The following COL19A1 variants were observed in gnomAD, a reference collection of about 807,000 sequenced individuals.
COL19A1 encodes collagen alpha-1(XIX) chain.
In COL19A1, 159 loss-of-function variants were observed where a neutral mutation model predicts 190.2. The observed-to-expected ratio is 0.84, with a 90% CI of 0.73 to 0.95. The LOEUF is 0.95. Among genes scored for constraint, COL19A1 ranks in the 40% least tolerant of loss-of-function variants. The probability of loss-of-function intolerance (pLI) is 0.00; values close to 1 mark genes in which losing one functional copy is unlikely to be tolerated. For missense variants in COL19A1, 1,418 were observed against 1,431.9 expected (o/e 0.99, Z 0.16); for synonymous variants, 509 against 458.9 (o/e 1.11, Z -1.39).
At chr6:70,006,476 G>A (rs1439299295) in intron 11 of COL19A1, among the ~76,000 whole-genome samples, 1 of 152,172 alleles carries the variant, frequency 6.6e-6, no homozygotes, top group African/African-American at 2.4e-5. Flanking sequence ...CAGTCACCTA[G>A]TCAGTTCTGA....
At chr6:69,868,829 A>C (rs1184910265) in intron 1 of COL19A1, among the ~76,000 whole-genome samples, 1 of 152,206 alleles carries the variant, frequency 6.6e-6, no homozygotes, top group Admixed American at 6.5e-5. Flanking sequence ...CTGCAATTTT[A>C]GTTTATTTTC....
intron 11 of COL19A1, among the ~76,000 whole-genome samples, chr6:69,980,459 T>G (rs1490011513): frequency 6.6e-6 from 1 of 152,132 alleles, no homozygotes; most frequent in Non-Finnish European, 1.5e-5. Flanking sequence ...ATAAATACTT[T>G]ACATTTGTGT....
intron 2 of COL19A1, among the ~76,000 whole-genome samples, chr6:69,883,790 C>T (rs1768726817): frequency 6.6e-6 from 1 of 152,162 alleles, no homozygotes; most frequent in South Asian, 2.1e-4. Context: ...GTCCAGAGAG[C>T]AACTAGTCCA....
At chr6:70,166,609 CACCCTTTTCT>C (rs1199802057) in intron 37 of COL19A1, among the ~76,000 whole-genome samples, 1 of 152,228 alleles carries the variant, frequency 6.6e-6, no homozygotes, top group Non-Finnish European at 1.5e-5. Flanking sequence ...TCACGCAAAA[CACCCTTTTCT>C]ACCCCACCTC....
chr6:70,006,888 T>C (rs1036091626), intron 11 of COL19A1, among the ~76,000 whole-genome samples: 7 of 152,150 alleles, frequency 4.6e-5, no homozygotes, highest in East Asian at 1.9e-4. Flanking sequence ...GAATAGATTA[T>C]GATAAAGTAA....
intron 14 of COL19A1, among the ~76,000 whole-genome samples, chr6:70,057,931 T>C (rs1463730773): frequency 1.3e-5 from 2 of 152,046 alleles, no homozygotes; most frequent in Admixed American, 1.3e-4. Flanking sequence ...GGCACACTGC[T>C]GGATAATATG....
intron 11 of COL19A1, among the ~76,000 whole-genome samples, chr6:70,005,115 T>G (rs1582663480): frequency 6.6e-6 from 1 of 152,052 alleles, no homozygotes; most frequent in South Asian, 2.1e-4. Context: ...TACAGCATAC[T>G]TTTTTATTAT....
chr6:69,955,770 GAT>G (rs1774385909), intron 9 of COL19A1, among the ~76,000 whole-genome samples: 1 of 151,996 alleles, frequency 6.6e-6, no homozygotes, highest in African/African-American at 2.4e-5. Flanking sequence ...TAGAAGGCTT[GAT>G]AGTGGCACAA....
At chr6:70,194,512 G>A (rs1215214596) in intron 48 of COL19A1, among the ~76,000 whole-genome samples, 1 of 152,142 alleles carries the variant, frequency 6.6e-6, no homozygotes, top group Non-Finnish European at 1.5e-5. Flanking sequence ...CCTCTCTGAA[G>A]TTCAATTAAA....
intron 31 of COL19A1, among the ~76,000 whole-genome samples, chr6:70,152,931 G>A (rs1320457209): frequency 6.6e-6 from 1 of 152,116 alleles, no homozygotes; most frequent in Non-Finnish European, 1.5e-5. Context: ...CCATGAATAG[G>A]CTCTGACGGG....
chr6:70,079,135 A>G (rs1782079617), intron 15 of COL19A1, among the ~76,000 whole-genome samples: 1 of 152,222 alleles, frequency 6.6e-6, no homozygotes, highest in Non-Finnish European at 1.5e-5. Context: ...AAACCAGTGA[A>G]ATGGCTGATG....
chr6:70,163,645 C>T (rs1787958516), intron 36 of COL19A1, among the ~76,000 whole-genome samples: 1 of 152,182 alleles, frequency 6.6e-6, no homozygotes, highest in Non-Finnish European at 1.5e-5. Flanking sequence ...AGGCTGGATT[C>T]AGAATCCTGG....
chr6:70,148,545 T>G (rs375906748), intron 27 of COL19A1, among the ~76,000 whole-genome samples: 42 of 152,224 alleles, frequency 2.8e-4, no homozygotes, highest in African/African-American at 9.9e-4. Flanking sequence ...AAGGGTTATG[T>G]TGTGAATGAG....
chr6:70,137,985 A>T lies in COL19A1; in HGVS notation c.1446+238A>T, dbSNP rs1240815225. On this transcript the variant is annotated intron_variant, in intron 19 of 50. Coordinates refer to ENST00000620364, the MANE Select transcript of COL19A1 (RefSeq NM_001858.6). The stretch of plus-strand genomic sequence containing the variant: ...TATTATCACCTGCATACTTCAAATG[A>T]TGAAAGTAAGGCATAAAGAGGTTAA... Among the ~76,000 whole-genome samples the T allele has an allele frequency of 3.9e-5, 6 of 152,186 alleles. No individual in the cohort carries two copies. The East Asian group carries it at 9.6e-4, about 24-fold the overall frequency.
rs1786460667 is a variant in COL19A1 at position 70,144,236 on chromosome 6, A to G, written c.1653A>G (p.Pro551=). 6.2e-7 allele frequency: 1 copy of G among 1,612,428 alleles called. No homozygotes were observed. Among genetic ancestry groups the G allele is most frequent in the Non-Finnish European group, 8.5e-7 (1 of 1,178,892 alleles). Residue 551 remains proline (P), a synonymous_variant, in exon 24 of 51, where the codon CCA becomes CCG. Transcript: ENST00000620364. ...DVGLPGEHGI[P]GKQGIKGEKG... ...GATTGCCAGGAGAACATGGTATCCCAGGAAAACAAGGCATTAAAGGAGAAA... is the reference window on the plus strand; with the variant it reads ...GATTGCCAGGAGAACATGGTATCCCGGGAAAACAAGGCATTAAAGGAGAAA...
At chr6:70,049,359 A>T (rs1780073979) in intron 14 of COL19A1, among the ~76,000 whole-genome samples, 1 of 151,998 alleles carries the variant, frequency 6.6e-6, no homozygotes, top group African/African-American at 2.4e-5. Context: ...TGATTAAAAT[A>T]TAAGGTATTT....
Position 69,879,734 on chromosome 6 carries a change from G to T in COL19A1, c.91+76G>T, listed in dbSNP as rs1254076678. ...AAGTCATTAAAACAAATCTTGTTAAGATTGAAAAGGCCATAGATTAATGTA... is the reference window on the plus strand; with the variant it reads ...AAGTCATTAAAACAAATCTTGTTAATATTGAAAAGGCCATAGATTAATGTA... On this transcript the variant is annotated intron_variant, in intron 2 of 50. Coordinates refer to ENST00000620364, the MANE Select transcript of COL19A1 (RefSeq NM_001858.6). The T allele has an allele frequency of 3.9e-6, 5 of 1,288,582 alleles. No homozygotes were observed. The Admixed American group carries it at 5.5e-5, about 14-fold the overall frequency. The allele number at this position is 1,288,582 out of a possible 1,614,324, so 79.8% of individuals were successfully genotyped here. A position where few individuals can be genotyped will look rare whatever the true frequency, so the allele number is the denominator to read the frequency against.
chr6:69,906,335 T>C (rs1327036411), intron 4 of COL19A1, among the ~76,000 whole-genome samples: 4 of 152,208 alleles, frequency 2.6e-5, no homozygotes, highest in Admixed American at 2.0e-4. Context: ...ATTCATTGTT[T>C]AATTCAAGTA....
At chr6:70,130,313 C>T (rs1374644504) in intron 18 of COL19A1, 90 bp downstream of exon 18, 3 of 1,064,328 alleles carry the variant, frequency 2.8e-6, no homozygotes, top group East Asian at 2.7e-5. Flanking sequence ...ATAACCTCCA[C>T]CTCCCAGGTT....
Sources: gnomAD v4.1 joint callset for allele counts (sites outside exome capture counted in the v4.1 genomes callset) on GRCh38, gnomAD v4.1.1 for gene constraint, MANE v1.5 for transcripts, NCBI Gene and HGNC (gene_info 2026-07-23, HGNC 2026-07-21) for gene names.